The following DPP10 variants were observed in gnomAD, a reference collection of about 807,000 sequenced individuals.
DPP10 encodes dipeptidyl peptidase like 10.
In DPP10, 33 loss-of-function variants were observed where a neutral mutation model predicts 120.9. The observed-to-expected ratio is 0.27, with a 90% CI of 0.21 to 0.37. The LOEUF (loss-of-function observed/expected upper bound fraction) is 0.37. DPP10 is among the 10% of genes least tolerant of loss of function. DPP10 has a pLI of 1.00. For missense variants in DPP10, 816 were observed against 942.8 expected (o/e 0.87, Z 1.76); for synonymous variants, 337 against 326.1 (o/e 1.03, Z -0.36).
chr2:115,709,042 C>T (rs540647326), intron 7 of DPP10, among the ~76,000 whole-genome samples: 1 of 152,200 alleles, frequency 6.6e-6, no homozygotes, highest in East Asian at 1.9e-4. Flanking sequence ...AACAAACCAA[C>T]ACATAAAAAG....
At chr2:115,792,356 C>CT (rs1684081750) in intron 19 of DPP10, among the ~76,000 whole-genome samples, 1 of 151,988 alleles carries the variant, frequency 6.6e-6, no homozygotes, top group African/African-American at 2.4e-5. Flanking sequence ...GATTATAATT[C>CT]TTTTTTGTAT....
chr2:114,506,649 G>A (rs372859067), intron 1 of DPP10, among the ~76,000 whole-genome samples: 20 of 152,082 alleles, frequency 1.3e-4, no homozygotes, highest in Middle Eastern at 3.4e-3. Flanking sequence ...TGCTCCTGCC[G>A]GCACCCAAAA....
chr2:115,755,931 A>AGT (rs34664946), intron 11 of DPP10, among the ~76,000 whole-genome samples: 19,652 of 118,456 alleles, frequency 0.17, 1,601 homozygotes, highest in African/African-American at 0.23. Flanking sequence ...TTTTTTAAAA[A>AGT]GTGTGTGTGT....
At chr2:114,751,876 T>G (rs1191811137) in intron 1 of DPP10, among the ~76,000 whole-genome samples, 1 of 152,216 alleles carries the variant, frequency 6.6e-6, no homozygotes, top group Non-Finnish European at 1.5e-5. Context: ...TTTTAAACTT[T>G]AATGTGCTTA....
intron 1 of DPP10, among the ~76,000 whole-genome samples, chr2:115,203,781 C>A (rs1440773060): frequency 6.6e-6 from 1 of 152,124 alleles, no homozygotes; most frequent in Non-Finnish European, 1.5e-5. Flanking sequence ...ATATTTTATA[C>A]TATCCAATAT....
chr2:115,820,794 GGTGTATGT>G lies in DPP10; in HGVS notation c.1950+5070_1950+5077del, dbSNP rs1242782929. ...TTTTTATGGCTGAGTAGTATTCCAT[GGTGTATGT>G]GTGTGTGTGTGTGTGTGTGTGTGTG... is the stretch of plus-strand genomic sequence containing the variant. On this transcript the variant is annotated intron_variant, in intron 21 of 25. Transcript: ENST00000410059. Among the ~76,000 whole-genome samples the G allele has an allele frequency of 2.7e-3, 306 of 112,740 alleles. 2 individuals carry two copies. Among genetic ancestry groups the G allele is most frequent in the Middle Eastern group, 0.012 (3 of 244 alleles). The allele number at this position is 112,740 out of a possible 152,430, so 74.0% of individuals were successfully genotyped here. A position where few individuals can be genotyped will look rare whatever the true frequency, so the allele number is the denominator to read the frequency against.
At chr2:115,302,212 C>G (rs2061169764) in intron 1 of DPP10, among the ~76,000 whole-genome samples, 1 of 147,822 alleles carries the variant, frequency 6.8e-6, no homozygotes, top group Non-Finnish European at 1.5e-5. Context: ...GGGAAATCTG[C>G]CCCCCGTCAT....
At chr2:115,167,339 A>T (rs956862536) in intron 1 of DPP10, among the ~76,000 whole-genome samples, 1 of 151,928 alleles carries the variant, frequency 6.6e-6, no homozygotes, top group African/African-American at 2.4e-5. Context: ...AGATAGATGG[A>T]TTGAGCCTAG....
chr2:115,194,946 G>A (rs2055156298), intron 1 of DPP10, among the ~76,000 whole-genome samples: 1 of 152,182 alleles, frequency 6.6e-6, no homozygotes, highest in African/African-American at 2.4e-5. Flanking sequence ...TTATGCACAG[G>A]AGAGAAATCG....
intron 1 of DPP10, among the ~76,000 whole-genome samples, chr2:114,871,843 A>T (rs957065297): frequency 6.6e-6 from 1 of 152,170 alleles, no homozygotes; most frequent in Non-Finnish European, 1.5e-5. Flanking sequence ...ACTCCCCATC[A>T]CTTGCATTAC....
intron 3 of DPP10, among the ~76,000 whole-genome samples, chr2:115,344,633 GAAAAT>G (rs1156794642): frequency 6.6e-6 from 1 of 151,924 alleles, no homozygotes; most frequent in Admixed American, 6.6e-5. Context: ...ATAAAAATAA[GAAAAT>G]AAAACCACTG....
intron 1 of DPP10, among the ~76,000 whole-genome samples, chr2:114,449,402 G>A (rs1356560141): frequency 6.6e-6 from 1 of 151,636 alleles, no homozygotes; most frequent in Non-Finnish European, 1.5e-5. Flanking sequence ...GATAAGCTGT[G>A]AAATAAGGAA....
chr2:114,597,263 A>G (rs1374622284), intron 1 of DPP10, among the ~76,000 whole-genome samples: 2 of 152,038 alleles, frequency 1.3e-5, no homozygotes, highest in Admixed American at 6.6e-5. Flanking sequence ...CATAACAGAT[A>G]CATAGGGGAA....
intron 1 of DPP10, among the ~76,000 whole-genome samples, chr2:114,923,004 T>A (rs1258205541): frequency 1.3e-5 from 2 of 152,198 alleles, no homozygotes; most frequent in South Asian, 4.1e-4. Context: ...AGTATATTTT[T>A]ATGGACTTAA....
intron 1 of DPP10, among the ~76,000 whole-genome samples, chr2:114,758,048 C>A (rs897403912): frequency 3.9e-5 from 6 of 152,156 alleles, no homozygotes; most frequent in African/African-American, 1.4e-4. Flanking sequence ...TGTTGCCTGA[C>A]TCCAGAGTTC....
intron 4 of DPP10, among the ~76,000 whole-genome samples, chr2:115,502,918 C>T (rs1253875216): frequency 2.0e-5 from 3 of 151,478 alleles, no homozygotes; most frequent in Non-Finnish European, 2.9e-5. Flanking sequence ...TGCCCAGGTT[C>T]ATCTTGAACT....
At chr2:115,672,951 G>A (rs1005791539) in intron 5 of DPP10, among the ~76,000 whole-genome samples, 5 of 151,972 alleles carry the variant, frequency 3.3e-5, no homozygotes, top group Admixed American at 6.6e-5. Context: ...GTTGCACCAC[G>A]CTGGCCAGGC....
At chr2:114,888,973 G>A (rs1265352608) in intron 1 of DPP10, among the ~76,000 whole-genome samples, 2 of 152,096 alleles carry the variant, frequency 1.3e-5, no homozygotes, top group Admixed American at 6.5e-5. Context: ...TTGAAGATCT[G>A]GTCTTTAAAG....
At chr2:115,571,182 A>G (rs892612484) in intron 5 of DPP10, among the ~76,000 whole-genome samples, 18 of 152,230 alleles carry the variant, frequency 1.2e-4, no homozygotes, top group African/African-American at 4.3e-4. Flanking sequence ...TGCAAAAACT[A>G]TCAAAGTAGC....
Sources: allele counts gnomAD v4.1 joint callset (sites outside exome capture counted in the v4.1 genomes callset), GRCh38; gene constraint gnomAD v4.1.1; transcripts MANE v1.5; gene names NCBI Gene and HGNC (gene_info 2026-07-23, HGNC 2026-07-21).